Variants in EYA3 observed in about 807,000 individuals in gnomAD.
The protein encoded by EYA3 is EYA transcriptional coactivator and phosphatase 3.
Under a neutral mutation model 80.0 loss-of-function variants are expected in EYA3, and 39 were observed. The observed-to-expected ratio is 0.49, with a 90% CI of 0.38 to 0.64. The LOEUF (loss-of-function observed/expected upper bound fraction) is 0.64. Ranked by LOEUF, EYA3 falls within the 30% of genes least tolerant of loss-of-function variation. The probability of loss-of-function intolerance (pLI) is 0.00; values close to 1 mark genes in which losing one functional copy is unlikely to be tolerated. For synonymous variants in EYA3, 206 were observed against 232.8 expected (o/e 0.88, Z 1.05); for missense variants, 523 against 676.1 (o/e 0.77, Z 2.51).
chr1:28,043,844 AAAACAAAC>A lies in EYA3; in HGVS notation c.78-1202_78-1195del, dbSNP rs565903040. ...CACAGTGAGACTCTGTCTCAAAAAC[AAAACAAAC>A]AAACAAACAAACAAACAAAAATTAT... On this transcript the variant is annotated intron_variant, in intron 3 of 17. Transcript: ENST00000373871. Among the ~76,000 whole-genome samples the A allele has an allele frequency of 1.4e-4, 22 of 152,212 alleles. No homozygotes were observed. The East Asian group carries it at 2.9e-3, about 20-fold the overall frequency.
intron 14 of EYA3, among the ~76,000 whole-genome samples, chr1:27,992,297 A>G (rs904461279): frequency 1.1e-4 from 16 of 152,236 alleles, no homozygotes; most frequent in African/African-American, 3.6e-4. Context: ...TCGAGATGAA[A>G]TTGTTCCACC....
At chr1:28,074,943 G>C (rs1489915790) in intron 1 of EYA3, among the ~76,000 whole-genome samples, 2 of 152,004 alleles carry the variant, frequency 1.3e-5, no homozygotes, top group African/African-American at 4.8e-5. Context: ...TATCATATGT[G>C]GTCACTAAAG....
chr1:27,994,315 T>G (rs1347988678), intron 13 of EYA3, among the ~76,000 whole-genome samples: 2 of 152,160 alleles, frequency 1.3e-5, no homozygotes, highest in African/African-American at 4.8e-5. Flanking sequence ...TGTCAGAGAT[T>G]GGAAGCACAT....
chr1:28,048,293 G>T, intron 3 of EYA3, 90 bp downstream of exon 3: 1 of 763,144 alleles, frequency 1.3e-6, no homozygotes, highest in East Asian at 2.9e-5. Context: ...CCAAAAAGAG[G>T]GCAAAGCATG....
chr1:28,037,984 T>C (rs1478160385), intron 5 of EYA3, among the ~76,000 whole-genome samples: 3 of 152,214 alleles, frequency 2.0e-5, no homozygotes, highest in African/African-American at 7.2e-5. Context: ...GGTAGCTTGG[T>C]ATACACACTG....
chr1:28,000,120 A>T (rs1640725335), intron 11 of EYA3, 71 bp from the exon 12 acceptor site: 1 of 1,192,048 alleles, frequency 8.4e-7, no homozygotes, highest in Middle Eastern at 2.0e-4. Context: ...CAAATTTCAA[A>T]ATTATTTTAG....
intron 1 of EYA3, among the ~76,000 whole-genome samples, chr1:28,076,737 CTTTTTTTTT>C (rs1024335865): frequency 2.6e-5 from 3 of 115,108 alleles, no homozygotes; most frequent in Admixed American, 8.9e-5. Context: ...TTTATAATTT[CTTTTTTTTT>C]TTTTTTTTTT....
chr1:28,048,325 G>GAA (rs199586294), intron 3 of EYA3, 58 bp downstream of exon 3: 804 of 1,019,248 alleles, frequency 7.9e-4, no homozygotes, highest in Middle Eastern at 1.2e-3. Flanking sequence ...ATCAGCATGT[G>GAA]AAAAAAAAAA....
chr1:28,051,720 A>C (rs1202092951), intron 2 of EYA3, among the ~76,000 whole-genome samples: 2 of 152,092 alleles, frequency 1.3e-5, no homozygotes, highest in African/African-American at 4.8e-5. Context: ...CTTAGGAATA[A>C]ACCTAACAGA....
intron 2 of EYA3, among the ~76,000 whole-genome samples, chr1:28,054,733 C>G (rs1031260950): frequency 2.0e-5 from 3 of 152,104 alleles, no homozygotes; most frequent in Non-Finnish European, 4.4e-5. Flanking sequence ...TGCTGGTAGT[C>G]TCAGCTACTT....
intron 1 of EYA3, among the ~76,000 whole-genome samples, chr1:28,060,758 G>T (rs1356664863): frequency 6.6e-6 from 1 of 152,196 alleles, no homozygotes; most frequent in African/African-American, 2.4e-5. Context: ...GCTCATGCCT[G>T]TAATCCCAGC....
rs1484624834 is a variant in EYA3, at chr1:28,055,489, CAG to C, written c.33+2503_33+2504del. Among the ~76,000 whole-genome samples the C allele has an allele frequency of 2.8e-5, 3 of 108,758 alleles. No homozygotes were observed. The East Asian group carries it at 8.5e-4, about 31-fold the overall frequency. The allele number at this position is 108,758 out of a possible 152,430, so 71.3% of individuals were successfully genotyped here. ...TTTTTTTTTTTTTTTTTTTTTGAGA[CAG>C]AGTCTCACCCACTCTGTTGTCCAGG... On this transcript the variant is annotated intron_variant, in intron 2 of 17. Transcript: ENST00000373871.
chr1:28,042,565 A>G lies in EYA3; in HGVS notation c.157+6T>C. ...TGTTCAATCATGCACAGAATATGGT[A>G]CTTACTTTCCTCTGACATGGGAAGG... On this transcript the variant is annotated splice_donor_region_variant and intron_variant, in intron 4 of 17. Transcript: ENST00000373871. 1 of 1,611,466 alleles carries G rather than the reference A, an allele frequency of 6.2e-7. No individual in the cohort carries two copies.
intron 16 of EYA3, among the ~76,000 whole-genome samples, chr1:27,981,399 G>A (rs1272836821): frequency 6.6e-6 from 1 of 152,162 alleles, no homozygotes; most frequent in African/African-American, 2.4e-5. Flanking sequence ...AGTATAATAA[G>A]CACTACAGAA....
intron 11 of EYA3, among the ~76,000 whole-genome samples, chr1:28,003,039 G>A (rs1435940532): frequency 4.0e-5 from 6 of 149,774 alleles, no homozygotes; most frequent in Admixed American, 6.7e-5. Context: ...GGCGGATCAC[G>A]AGGTCAGGAG....
intron 1 of EYA3, among the ~76,000 whole-genome samples, chr1:28,085,338 G>C (rs1019182606): frequency 6.6e-6 from 1 of 152,112 alleles, no homozygotes; most frequent in Non-Finnish European, 1.5e-5. Flanking sequence ...TGTAGTCCCA[G>C]CTATTCTGGA....
chr1:28,006,536 C>T (rs1269132840), intron 10 of EYA3, among the ~76,000 whole-genome samples: 2 of 151,968 alleles, frequency 1.3e-5, no homozygotes, highest in African/African-American at 4.8e-5. Context: ...GAAACCCCAT[C>T]TCTACTAAAA....
At chr1:28,073,837 T>G (rs1645114531) in intron 1 of EYA3, among the ~76,000 whole-genome samples, 1 of 152,136 alleles carries the variant, frequency 6.6e-6, no homozygotes, top group South Asian at 2.1e-4. Context: ...ACCTCAAAAG[T>G]TATAATAGGA....
At chr1:28,075,614 G>T (rs1230618489) in intron 1 of EYA3, among the ~76,000 whole-genome samples, 1 of 152,186 alleles carries the variant, frequency 6.6e-6, no homozygotes, top group African/African-American at 2.4e-5. Context: ...TGAGGAGCTA[G>T]AGGGAAAAGC....
Sources: gnomAD v4.1 joint callset for allele counts (sites outside exome capture counted in the v4.1 genomes callset) on GRCh38, gnomAD v4.1.1 for gene constraint, MANE v1.5 for transcripts, NCBI Gene and HGNC (gene_info 2026-07-23, HGNC 2026-07-21) for gene names.